Variants in DNAH5 observed in about 807,000 individuals in gnomAD.
DNAH5 encodes axonemal beta dynein heavy chain 5.
DNAH5 carries 372 observed loss-of-function variants against 518.2 expected under a neutral mutation model. The ratio of observed to expected loss-of-function variants is 0.72; its 90% CI spans 0.66 to 0.78. The LOEUF is 0.78. Ranked by LOEUF, DNAH5 falls within the 30% of genes least tolerant of loss-of-function variation. DNAH5 has a pLI of 0.00. For missense variants in DNAH5, 5,523 were observed against 5,687.0 expected (o/e 0.97, Z 0.93); for synonymous variants, 2,039 against 2,025.9 (o/e 1.01, Z -0.17).
intron 70 of DNAH5, among the ~76,000 whole-genome samples, chr5:13,725,681 A>C (rs973927200): frequency 6.6e-6 from 1 of 151,940 alleles, no homozygotes; most frequent in Non-Finnish European, 1.5e-5. Context: ...TTTGAGATGG[A>C]GTCTCACCCT....
Position 13,969,033 on chromosome 5 carries a change from G to T in DNAH5, c.13-37789C>A, listed in dbSNP as rs1156380349. On this transcript the variant is annotated intron_variant, in intron 1 of 78. Coordinates refer to the DNAH5 transcript ENST00000681290. ...CTGTTCAGAATTTCTATTTCTTCCT[G>T]GTTTAATCTAAAATAGTTGTATATT... 3.9e-5 allele frequency among the ~76,000 whole-genome samples: 6 copies of T among 151,960 alleles called. No homozygotes were observed. The East Asian group carries it at 1.2e-3, about 29-fold the overall frequency.
At chr5:13,903,032 G>C (rs916227591) in intron 12 of DNAH5, among the ~76,000 whole-genome samples, 1 of 151,970 alleles carries the variant, frequency 6.6e-6, no homozygotes, top group Admixed American at 6.6e-5. Context: ...TAGTAACCAA[G>C]TACTAAAAAT....
At chr5:13,980,236 C>T (rs1189046735) in intron 1 of DNAH5, among the ~76,000 whole-genome samples, 1 of 152,102 alleles carries the variant, frequency 6.6e-6, no homozygotes, top group Non-Finnish European at 1.5e-5. Context: ...TCTCTCACCC[C>T]TCAGACCTTT....
chr5:13,989,640 C>T (rs1289644239), intron 1 of DNAH5, among the ~76,000 whole-genome samples: 4 of 152,002 alleles, frequency 2.6e-5, no homozygotes, highest in Non-Finnish European at 4.4e-5. Context: ...CCCGCCATCA[C>T]ACCCGGCTAA....
chr5:13,719,246 A>C, intron 71 of DNAH5, 145 bp from the exon 72 acceptor site: 2 of 745,702 alleles, frequency 2.7e-6, no homozygotes. Flanking sequence ...CTAAGAAAAC[A>C]AAAATGTTTA....
In DNAH5 at chr5:13,758,987, C is replaced by G; in HGVS notation, c.10282-4G>C. ...TCTCTTGCACCACCAAGTTGGCCTG[C>G]ACAGGACACACACAGAGTGAAGAGA... On this transcript the variant is annotated splice_region_variant and splice_polypyrimidine_tract_variant and intron_variant, in intron 60 of 78. Transcript: ENST00000265104. 1.2e-6 allele frequency: 2 copies of G among 1,614,084 alleles called. No individual in the cohort carries two copies. Among genetic ancestry groups the G allele is most frequent in the Non-Finnish European group, 1.7e-6 (2 of 1,180,000 alleles).
chr5:13,693,615 G>A (rs1204650905), intron 78 of DNAH5, among the ~76,000 whole-genome samples: 6 of 152,328 alleles, frequency 3.9e-5, no homozygotes, highest in Admixed American at 2.0e-4. Context: ...TAACACAGCC[G>A]TAGGCTTGCT....
At position 13,886,135 on chromosome 5, in the gene DNAH5, CAAAAAA is replaced by C. The variant is rs71600031; in HGVS notation, c.2578-12_2578-7del. On this transcript the variant is annotated splice_polypyrimidine_tract_variant and splice_region_variant and intron_variant, in intron 17 of 78. Coordinates refer to ENST00000265104, the MANE Select transcript of DNAH5 (RefSeq NM_001369.3). Reference sequence around the variant, plus strand: ...GCACCATTTACACAAAGATCCTAACCAAAAAAAAAAAAAAAAAAAGATAGCACAGTG... The same window carrying C: ...GCACCATTTACACAAAGATCCTAACCAAAAAAAAAAAAAGATAGCACAGTG... 5.6e-4 allele frequency: 751 copies of C among 1,338,960 alleles called. No individual in the cohort carries two copies. Among genetic ancestry groups the C allele is most frequent in the African/African-American group, 1.2e-3 (73 of 60,474 alleles). The allele number at this position is 1,338,960 out of a possible 1,614,324, so 82.9% of individuals were successfully genotyped here.
At chr5:13,977,744 A>G (rs1246446791) in intron 1 of DNAH5, among the ~76,000 whole-genome samples, 1 of 152,162 alleles carries the variant, frequency 6.6e-6, no homozygotes, top group Non-Finnish European at 1.5e-5. Context: ...ATGGGATCCA[A>G]CTGTACCTGG....
intron 22 of DNAH5, among the ~76,000 whole-genome samples, chr5:13,875,237 G>A (rs149282995): frequency 1.3e-3 from 194 of 152,254 alleles, no homozygotes; most frequent in African/African-American, 4.3e-3. Flanking sequence ...GGAGGCCAAG[G>A]CAGGTGGATC....
chr5:14,004,491 T>C (rs1784587416), intron 1 of DNAH5, among the ~76,000 whole-genome samples: 1 of 152,200 alleles, frequency 6.6e-6, no homozygotes, highest in Admixed American at 6.5e-5. Flanking sequence ...CTTTTTCCTA[T>C]TAATAATGCA....
At chr5:13,903,488 C>T (rs1200294561) in intron 12 of DNAH5, among the ~76,000 whole-genome samples, 2 of 151,222 alleles carry the variant, frequency 1.3e-5, no homozygotes, top group Non-Finnish European at 3.0e-5. Context: ...AAATTCTGAA[C>T]AAGAGAAATA....
intron 12 of DNAH5, among the ~76,000 whole-genome samples, chr5:13,902,699 T>TA (rs1401288272): frequency 6.6e-6 from 1 of 152,184 alleles, no homozygotes; most frequent in Non-Finnish European, 1.5e-5. Flanking sequence ...CTCTTGGACA[T>TA]AGTTTGCTGA....
At chr5:13,734,628 C>T (rs759303320) in intron 68 of DNAH5, among the ~76,000 whole-genome samples, 1 of 151,630 alleles carries the variant, frequency 6.6e-6, no homozygotes, top group Non-Finnish European at 1.5e-5. Flanking sequence ...TCTGCTTCAG[C>T]CCTCTTCCCT....
At chr5:13,963,305 C>T (rs1212125192) in intron 1 of DNAH5, among the ~76,000 whole-genome samples, 2 of 152,070 alleles carry the variant, frequency 1.3e-5, no homozygotes, top group African/African-American at 2.4e-5. Context: ...TGGTCGGAAG[C>T]GGTGGCTCAC....
At chr5:13,952,835 T>G (rs897180773) in intron 1 of DNAH5, among the ~76,000 whole-genome samples, 3 of 152,184 alleles carry the variant, frequency 2.0e-5, no homozygotes, top group Non-Finnish European at 4.4e-5. Flanking sequence ...CAGGTTGGAG[T>G]GCAGTGGTGC....
chr5:13,907,661 C>A (rs1279658999), intron 12 of DNAH5, among the ~76,000 whole-genome samples: 7 of 152,170 alleles, frequency 4.6e-5, no homozygotes, highest in African/African-American at 1.7e-4. Context: ...TATTATGTAA[C>A]TATGACCCTC....
At chr5:13,736,624 A>G (rs1247336565) in intron 66 of DNAH5, among the ~76,000 whole-genome samples, 1 of 151,852 alleles carries the variant, frequency 6.6e-6, no homozygotes, top group African/African-American at 2.4e-5. Flanking sequence ...GGCTGGTCTC[A>G]TCATGTTGAC....
intron 2 of DNAH5, among the ~76,000 whole-genome samples, chr5:13,929,001 C>A (rs1306476682): frequency 2.0e-5 from 3 of 152,078 alleles, no homozygotes; most frequent in African/African-American, 4.8e-5. Context: ...GGTATATATC[C>A]CAAAGAATTG....
Sources: allele counts gnomAD v4.1 joint callset (sites outside exome capture counted in the v4.1 genomes callset), GRCh38; gene constraint gnomAD v4.1.1; transcripts MANE v1.5; gene names NCBI Gene and HGNC (gene_info 2026-07-23, HGNC 2026-07-21).